The following DCC variants were observed in gnomAD, a reference collection of about 807,000 sequenced individuals.
The protein encoded by DCC is DCC netrin 1 receptor, also known as netrin receptor DCC.
DCC carries 58 observed loss-of-function variants against 172.5 expected under a neutral mutation model. That is an observed-to-expected ratio of 0.34 (90% CI 0.27 to 0.42). DCC has a LOEUF of 0.42. Ranked by LOEUF, DCC falls within the 10% of genes least tolerant of loss-of-function variation. The probability of loss-of-function intolerance (pLI) is 1.00; values close to 1 mark genes in which losing one functional copy is unlikely to be tolerated. For synonymous variants in DCC, 709 were observed against 644.5 expected (o/e 1.10, Z -1.52); for missense variants, 1,740 against 1,791.0 (o/e 0.97, Z 0.51).
chr18:52,578,799 C>A (rs1006236651), intron 1 of DCC, among the ~76,000 whole-genome samples: 2 of 152,086 alleles, frequency 1.3e-5, no homozygotes, highest in African/African-American at 4.8e-5. Context: ...GAGATTGAGA[C>A]CATCCTGGCC....
At chr18:53,380,289 C>T (rs558975899) in intron 15 of DCC, among the ~76,000 whole-genome samples, 1 of 152,128 alleles carries the variant, frequency 6.6e-6, no homozygotes, top group African/African-American at 2.4e-5. Context: ...GTAAATTACA[C>T]CCTTCTTACA....
Position 53,102,882 on chromosome 18 carries a change from A to G in DCC, c.1261+36716A>G, listed in dbSNP as rs117513511. Among the ~76,000 whole-genome samples the G allele has an allele frequency of 3.1e-3, 471 of 152,216 alleles. 1 individual carries two copies. Among genetic ancestry groups the G allele is most frequent in the Non-Finnish European group, 4.8e-3 (328 of 68,016 alleles). Reference sequence around the variant, plus strand: ...ATAATGTGTAAGGTAGCCTTTCTGCAATACACCCCCAAGTTATCAGTGTAT... The same window carrying G: ...ATAATGTGTAAGGTAGCCTTTCTGCGATACACCCCCAAGTTATCAGTGTAT... On this transcript the variant is annotated intron_variant, in intron 7 of 28. Coordinates refer to ENST00000442544, the MANE Select transcript of DCC (RefSeq NM_005215.4).
intron 18 of DCC, among the ~76,000 whole-genome samples, chr18:53,400,692 C>T (rs1909244267): frequency 6.6e-6 from 1 of 152,078 alleles, no homozygotes; most frequent in African/African-American, 2.4e-5. Flanking sequence ...CACCAATATT[C>T]ACATGACTTG....
intron 1 of DCC, among the ~76,000 whole-genome samples, chr18:52,414,452 G>A (rs76711470): frequency 0.035 from 5,282 of 152,138 alleles, 163 homozygotes; most frequent in African/African-American, 0.078. Context: ...CCATCTGATT[G>A]ACTTTCTATT....
At chr18:52,603,813 A>G (rs1014122888) in intron 1 of DCC, among the ~76,000 whole-genome samples, 2 of 152,128 alleles carry the variant, frequency 1.3e-5, no homozygotes, top group African/African-American at 4.8e-5. Flanking sequence ...AGAGCATTTT[A>G]CATTAAAGAG....
intron 2 of DCC, among the ~76,000 whole-genome samples, chr18:52,892,918 T>C (rs1245173471): frequency 6.6e-6 from 1 of 152,130 alleles, no homozygotes; most frequent in Non-Finnish European, 1.5e-5. Flanking sequence ...TTACCAGAAG[T>C]CTTTAATCTA....
chr18:53,397,267 G>A (rs769057328), intron 17 of DCC, 41 bp from the exon 18 acceptor site: 1 of 1,583,722 alleles, frequency 6.3e-7, no homozygotes, highest in Non-Finnish European at 8.7e-7. Context: ...CAAGTTGATA[G>A]AGTTTATTTT....
chr18:52,536,539 C>T (rs911854217), intron 1 of DCC, among the ~76,000 whole-genome samples: 8 of 152,056 alleles, frequency 5.3e-5, no homozygotes, highest in East Asian at 1.9e-4. Context: ...AGGTATCAAT[C>T]ATATGAAAAC....
chr18:52,484,978 C>A (rs773347022), intron 1 of DCC, among the ~76,000 whole-genome samples: 3 of 151,962 alleles, frequency 2.0e-5, no homozygotes, highest in African/African-American at 7.2e-5. Flanking sequence ...TAAAATCATC[C>A]GGTCTTAGTG....
intron 1 of DCC, among the ~76,000 whole-genome samples, chr18:52,457,470 T>G (rs1394472889): frequency 6.6e-6 from 1 of 152,218 alleles, no homozygotes. Context: ...AACACAGTGA[T>G]GGAAGACACA....
At chr18:52,971,533 G>A (rs976695112) in intron 5 of DCC, among the ~76,000 whole-genome samples, 7 of 151,066 alleles carry the variant, frequency 4.6e-5, no homozygotes, top group African/African-American at 7.3e-5. Context: ...ACACACGCAC[G>A]CACACACACA....
chr18:52,783,120 T>C (rs917266252), intron 2 of DCC, among the ~76,000 whole-genome samples: 1 of 151,036 alleles, frequency 6.6e-6, no homozygotes, highest in South Asian at 2.2e-4. Flanking sequence ...GGAAGCATAG[T>C]CTTAGACTCT....
chr18:52,586,654 C>T (rs543213585), intron 1 of DCC, among the ~76,000 whole-genome samples: 45 of 152,226 alleles, frequency 3.0e-4, no homozygotes, highest in African/African-American at 1.1e-3. Context: ...CTAGGGGTGA[C>T]GGTGAGTGGT....
intron 12 of DCC, among the ~76,000 whole-genome samples, chr18:53,284,495 C>T (rs966882904): frequency 3.9e-5 from 6 of 152,126 alleles, no homozygotes; most frequent in East Asian, 1.9e-4. Flanking sequence ...CCATGTGAGA[C>T]GTGCCTTTCA....
intron 13 of DCC, among the ~76,000 whole-genome samples, chr18:53,309,244 G>T (rs1455540987): frequency 6.6e-6 from 1 of 151,894 alleles, no homozygotes; most frequent in East Asian, 1.9e-4. Context: ...TTGCTTTGTT[G>T]CCCAGGCTGG....
chr18:53,511,754 G>A (rs1465188455), intron 27 of DCC, among the ~76,000 whole-genome samples: 4 of 152,204 alleles, frequency 2.6e-5, no homozygotes, highest in African/African-American at 9.6e-5. Context: ...TTTTCCAATG[G>A]GCTTAAAAAA....
At chr18:52,950,488 G>C (rs899669353) in intron 5 of DCC, among the ~76,000 whole-genome samples, 2 of 152,188 alleles carry the variant, frequency 1.3e-5, no homozygotes, top group Admixed American at 1.3e-4. Flanking sequence ...TTGGACAAGA[G>C]AGATATAGAT....
chr18:53,320,319 G>T (rs532521255), intron 13 of DCC, among the ~76,000 whole-genome samples: 1 of 152,016 alleles, frequency 6.6e-6, no homozygotes, highest in African/African-American at 2.4e-5. Context: ...TGATCCGCCC[G>T]CCTCGGCCTC....
chr18:53,193,428 AT>A (rs1283466016), intron 9 of DCC, among the ~76,000 whole-genome samples: 2 of 152,146 alleles, frequency 1.3e-5, no homozygotes, highest in Non-Finnish European at 2.9e-5. Context: ...GCCAGATATA[AT>A]TCATATATTA....
Sources: gnomAD v4.1 joint callset for allele counts (sites outside exome capture counted in the v4.1 genomes callset) on GRCh38, gnomAD v4.1.1 for gene constraint, MANE v1.5 for transcripts, NCBI Gene and HGNC (gene_info 2026-07-23, HGNC 2026-07-21) for gene names.